EFS: variants seen among roughly 807,000 people sequenced by gnomAD.
The protein encoded by EFS is Cas scaffolding protein family member 3.
EFS carries 34 observed loss-of-function variants against 42.2 expected under a neutral mutation model. That is an observed-to-expected ratio of 0.81 (90% CI 0.61 to 1.07). EFS has a LOEUF of 1.07. Among genes scored for constraint, EFS ranks in the 50% least tolerant of loss-of-function variants. EFS has a pLI of 0.00. For synonymous variants in EFS, 299 were observed against 320.7 expected, an observed-to-expected ratio of 0.93 and a Z score of 0.72; for missense variants, 717 against 729.4, an observed-to-expected ratio of 0.98 and a Z score of 0.20.
rs1889940612 is a variant in EFS, at chr14:23,357,172, C to G, written c.*54G>C. 1 of 1,469,638 alleles carries G rather than the reference C, an allele frequency of 6.8e-7. No homozygotes were observed. Among genetic ancestry groups the G allele is most frequent in the Non-Finnish European group, 9.1e-7 (1 of 1,100,462 alleles). 91.0% of individuals were successfully genotyped at this position (1,469,638 alleles called of 1,614,324 possible). On this transcript the variant is annotated 3_prime_UTR_variant, in exon 6 of 6. Transcript: ENST00000216733. ...AACAAAGCCTTCCAGCCACCCAAGG[C>G]CTAAAGGGGGGCTTTGGCAGGCAGG...
chr14:23,358,846 C>G (rs777578452), intron 5 of EFS, 30 bp downstream of exon 5: 1 of 1,580,240 alleles, frequency 6.3e-7, no homozygotes, highest in Admixed American at 1.8e-5. Flanking sequence ...CCCCTGTCCC[C>G]TTCTCTAGCA....
rs765548143 is a variant in EFS at position 23,360,566 on chromosome 14, C to T, written c.286G>A (p.Glu96Lys). 2.0e-5 allele frequency: 31 copies of T among 1,549,178 alleles called. No individual in the cohort carries two copies. The highest frequency in any genetic ancestry group is 2.6e-5 in the Non-Finnish European group (30 of 1,147,010). ...GCTCCCACTCTCACCTCCTGGTCCT[C>T]ATTGCTGTGATCTGGGGCTGGATAT... ...SPYPAPDHSN[E>K]DQEVYVVPPP... Residue 96 changes from glutamate (E) to lysine (K), a missense_variant, in exon 2 of 6, where the codon GAG becomes AAG. Transcript: ENST00000216733.
chr14:23,364,963 C>T (rs1284828663), intron 1 of EFS, 45 bp downstream of exon 1: 5 of 1,247,134 alleles, frequency 4.0e-6, no homozygotes, highest in Non-Finnish European at 5.1e-6. Flanking sequence ...CAGGGCAGGC[C>T]GTGGAGGTCT....
chr14:23,361,915 GCA>G (rs1890167309), intron 1 of EFS, among the ~76,000 whole-genome samples: 1 of 152,208 alleles, frequency 6.6e-6, no homozygotes, highest in Admixed American at 6.5e-5. Flanking sequence ...CATATCGCTG[GCA>G]CAGCTTGTGG....
chr14:23,364,813 C>G (rs752302555), intron 1 of EFS, among the ~76,000 whole-genome samples, 195 bp downstream of exon 1: 3 of 151,724 alleles, frequency 2.0e-5, no homozygotes, highest in Non-Finnish European at 2.9e-5. Context: ...GAGGGGCGAG[C>G]CCGGAGCCAG....
Position 23,360,837 on chromosome 14 carries a change from G to T in EFS, c.19-4C>A, listed in dbSNP as rs1566492287. 6.2e-7 allele frequency: 1 copy of T among 1,607,128 alleles called. No individual in the cohort carries two copies. Among genetic ancestry groups the T allele is most frequent in the East Asian group, 2.2e-5 (1 of 44,792 alleles). Reference sequence around the variant, plus strand: ...ACAGTGCCCGGGCCAGCTGGGTCTGGTTGGGGAGGTGGGAGTGGGGAGAAG... The same window carrying T: ...ACAGTGCCCGGGCCAGCTGGGTCTGTTTGGGGAGGTGGGAGTGGGGAGAAG... On this transcript the variant is annotated splice_polypyrimidine_tract_variant and splice_region_variant and intron_variant, in intron 1 of 5. Transcript: ENST00000216733.
rs2231803 is a variant in EFS, at chr14:23,360,044, G to A, written c.439-5C>T. ...GGTGGGGGGCACATCGTAGACCTGC[G>A]GAAAGGAGTGGTCAGTCATCTGTCA... is the stretch of plus-strand genomic sequence containing the variant. On this transcript the variant is annotated splice_polypyrimidine_tract_variant and splice_region_variant and intron_variant, in intron 3 of 5. Transcript: ENST00000216733. The A allele has an allele frequency of 1.5e-3, 2,346 of 1,613,452 alleles. 33 individuals are homozygous for A. The African/African-American group carries it at 0.026, about 18-fold the overall frequency.
intron 1 of EFS, 130 bp from the exon 2 acceptor site, chr14:23,360,963 C>T: frequency 1.0e-6 from 1 of 955,914 alleles, no homozygotes; most frequent in East Asian, 3.0e-5. Flanking sequence ...ATGCAGCTTT[C>T]TGCCTGGGCC....
At position 23,360,220 on chromosome 14, in the gene EFS, C is replaced by G. The variant is rs1368912181; in HGVS notation, c.359G>C (p.Cys120Ser). The G allele has an allele frequency of 1.9e-6, 3 of 1,613,886 alleles. No homozygotes were observed. The highest frequency in any genetic ancestry group is 2.7e-5 in the African/African-American group (2 of 74,876). Reference protein sequence around the residue: ...CPTSGPPAGPCPPSPDLIYKI... With the variant: ...CPTSGPPAGPSPPSPDLIYKI... ...GTAGATGAGGTCAGGAGAGGGTGGG[C>G]AAGGTCCAGCTGGAGGTCCTGAGGT... Residue 120 changes from cysteine (C) to serine (S), a missense_variant, in exon 3 of 6, where the codon TGC (cysteine) becomes TCC (serine). Transcript: ENST00000216733.
chr14:23,359,379 C>T lies in EFS; in HGVS notation c.1099G>A (p.Gly367Arg), dbSNP rs746379952. The T allele has an allele frequency of 1.2e-6, 2 of 1,613,024 alleles. No homozygotes were observed. Among genetic ancestry groups the T allele is most frequent in the South Asian group, 2.2e-5 (2 of 91,080 alleles). The change falls in exon 4 of 6, where the codon GGA (glycine) becomes AGA (arginine). Residue 367 changes from glycine (G) to arginine (R), a missense_variant. Coordinates refer to ENST00000216733, the MANE Select transcript of EFS (RefSeq NM_005864.4). ...ATGCCCTCGTACTCATTGTGGTGTCCTGCTGGGTCATCCTCCATCTCCCTG... is the reference window on the plus strand; with the variant it reads ...ATGCCCTCGTACTCATTGTGGTGTCTTGCTGGGTCATCCTCCATCTCCCTG... The part of the protein sequence containing the change: ...EGREMEDDPA[G>R]HHNEYEGIPM...
Position 23,359,805 on chromosome 14 carries a change from G to A in EFS, c.673C>T (p.Arg225Ter), listed in dbSNP as rs369126583. The A allele has an allele frequency of 9.2e-6, 14 of 1,523,630 alleles. No homozygotes were observed. Among genetic ancestry groups the A allele is most frequent in the African/African-American group, 1.4e-5 (1 of 71,838 alleles). The allele number at this position is 1,523,630 out of a possible 1,614,324, so 94.4% of individuals were successfully genotyped here. Residue 225 changes from arginine to a stop codon, truncating the protein, a stop_gained, in exon 4 of 6, where the codon CGA becomes TGA. Coordinates refer to ENST00000216733, the MANE Select transcript of EFS (RefSeq NM_005864.4). LOFTEE classifies it high-confidence loss of function. ...TACAAATTGAGTAAGGCTGACGCTC[G>A]TTTCAGGTTGGAGGGGGCAGCATAG... ...PIYAAPSNLK[R>*]ASALLNLYEA...
chr14:23,358,379 G>T (rs115913856), intron 5 of EFS, among the ~76,000 whole-genome samples: 1,803 of 152,354 alleles, frequency 0.012, 36 homozygotes, highest in African/African-American at 0.041. Context: ...CACAGGGTCT[G>T]GCACTTGGTA....
Position 23,357,120 on chromosome 14 carries a change from A to C in EFS, c.*106T>G, listed in dbSNP as rs573000324. The C allele has an allele frequency of 1.8e-6, 2 of 1,108,926 alleles. No homozygotes were observed. Among genetic ancestry groups the C allele is most frequent in the South Asian group, 4.5e-5 (2 of 44,408 alleles). 68.7% of individuals were successfully genotyped at this position (1,108,926 alleles called of 1,614,324 possible). A position where few individuals can be genotyped will look rare whatever the true frequency, so the allele number is the denominator to read the frequency against. ...GAGCAGAAAGGGCAGGAAAGGGGAA[A>C]GATACCCCCATTTCTCCTAGTCCCT... On this transcript the variant is annotated 3_prime_UTR_variant, in exon 6 of 6. Transcript: ENST00000216733.
Position 23,357,515 on chromosome 14 carries a change from G to A in EFS, c.1397C>T (p.Pro466Leu), listed in dbSNP as rs1889964128. ...ALMSSTQANQ[P>L]PRLFVPHSKR... is the part of the protein sequence containing the mutation. ...GCTGTGGGGCACGAAAAGGCGCGGG[G>A]GCTGATTAGCCTGGGTACTGGACAT... The change falls in exon 6 of 6, where the codon CCC (proline) becomes CTC (leucine). Residue 466 changes from proline (P) to leucine (L), a missense_variant. Coordinates refer to ENST00000216733, the MANE Select transcript of EFS (RefSeq NM_005864.4). 4 of 1,613,920 alleles carry A rather than the reference G, an allele frequency of 2.5e-6. No individual in the cohort carries two copies. The highest frequency in any genetic ancestry group is 1.7e-5 in the Admixed American group (1 of 60,016).
rs779103174 is a variant in EFS, at chr14:23,360,161, C to G, written c.418G>C (p.Ala140Pro). Residue 140 changes from alanine to proline, a missense_variant, in exon 3 of 6, where the codon GCT (alanine) becomes CCT (proline). Transcript: ENST00000216733. Reference sequence around the variant, plus strand: ...CTCACCTCCAAGGCATCTCTGGGAGCAGCCAGCTGGGTCCCACTAGCTCTG... The same window carrying G: ...CTCACCTCCAAGGCATCTCTGGGAGGAGCCAGCTGGGTCCCACTAGCTCTG... Reference protein sequence around the residue: ...IPRASGTQLAAPRDALEVYDV... With the variant: ...IPRASGTQLAPPRDALEVYDV... 3.1e-6 allele frequency: 5 copies of G among 1,614,074 alleles called. No individual in the cohort carries two copies.
In EFS at chr14:23,359,367, C is replaced by T; in HGVS notation, c.1111G>A (p.Glu371Lys). 6.2e-7 allele frequency: 1 copy of T among 1,613,098 alleles called. No homozygotes were observed. The highest frequency in any genetic ancestry group is 8.5e-7 in the Non-Finnish European group (1 of 1,179,956). ...TCGGCCATCGGAATGCCCTCGTACT[C>T]ATTGTGGTGTCCTGCTGGGTCATCC... ...MEDDPAGHHN[E>K]YEGIPMAEEY... Residue 371 changes from glutamate (E) to lysine (K), a missense_variant, in exon 4 of 6, where the codon GAG becomes AAG. Transcript: ENST00000216733.
intron 2 of EFS, 67 bp from the exon 3 acceptor site, chr14:23,360,348 G>T: frequency 1.3e-6 from 2 of 1,548,144 alleles, no homozygotes; most frequent in Non-Finnish European, 1.7e-6. Flanking sequence ...ATGTCTGAGT[G>T]CGAGGAGCTT....
At position 23,357,462 on chromosome 14, in the gene EFS, G is replaced by A. The variant is rs767780089; in HGVS notation, c.1450C>T (p.Leu484=). ...SKRVVVAAHR[L]VFVGDTLGRL... ...CCCAGGGTGTCCCCAACAAACACCA[G>A]GCGATGAGCAGCCACCACCACCCTC... is the stretch of plus-strand genomic sequence containing the variant. The change falls in exon 6 of 6, where the codon CTG becomes TTG. Residue 484 remains leucine (L), a synonymous_variant. Transcript: ENST00000216733. The A allele has an allele frequency of 6.2e-7, 1 of 1,613,972 alleles. No homozygotes were observed. The highest frequency in any genetic ancestry group is 1.1e-5 in the South Asian group (1 of 91,064).
Position 23,359,948 on chromosome 14 carries a change from G to A in EFS, c.530C>T (p.Ala177Val). 6.4e-7 allele frequency: 1 copy of A among 1,566,284 alleles called. No individual in the cohort carries two copies. The highest frequency in any genetic ancestry group is 1.2e-5 in the South Asian group (1 of 82,616). ...ATCATCCTCTCCAGGGGGCTGCGGGGCAACCCGGGTCAGAGGGTGGGAAAA... is the reference window on the plus strand; with the variant it reads ...ATCATCCTCTCCAGGGGGCTGCGGGACAACCCGGGTCAGAGGGTGGGAAAA... Reference protein sequence around the residue: ...ASFSHPLTRVAPQPPGEDDAP... With the variant: ...ASFSHPLTRVVPQPPGEDDAP... The change falls in exon 4 of 6, where the codon GCC becomes GTC. Residue 177 changes from alanine to valine, a missense_variant. Coordinates refer to ENST00000216733, the MANE Select transcript of EFS (RefSeq NM_005864.4).
Sources: allele counts gnomAD v4.1 joint callset (sites outside exome capture counted in the v4.1 genomes callset), GRCh38; gene constraint gnomAD v4.1.1; transcripts MANE v1.5; gene names NCBI Gene and HGNC (gene_info 2026-07-23, HGNC 2026-07-21).